NELL1: variants seen among roughly 807,000 people sequenced by gnomAD.
NELL1 encodes neural EGFL like 1.
In NELL1, 76 loss-of-function variants were observed where a neutral mutation model predicts 107.4. The observed-to-expected ratio is 0.71, with a 90% confidence interval of 0.59 to 0.86. The LOEUF is 0.86. NELL1 is among the 40% of genes least tolerant of loss of function. NELL1 has a pLI of 0.00. For missense variants in NELL1, 1,024 were observed against 1,005.5 expected (o/e 1.02, Z -0.25); for synonymous variants, 353 against 341.2 (o/e 1.03, Z -0.38).
At chr11:21,349,544 C>A (rs565565998) in intron 14 of NELL1, among the ~76,000 whole-genome samples, 76 of 151,754 alleles carry the variant, frequency 5.0e-4, no homozygotes, top group Non-Finnish European at 1.0e-3. Flanking sequence ...CTCTGAAATG[C>A]CTTTATTTTG....
At chr11:21,135,043 T>C (rs1855713756) in intron 13 of NELL1, among the ~76,000 whole-genome samples, 1 of 152,212 alleles carries the variant, frequency 6.6e-6, no homozygotes, top group South Asian at 2.1e-4. Context: ...ACTATTATTA[T>C]AATTTCTGTT....
At chr11:21,549,410 A>G (rs896408102) in intron 16 of NELL1, among the ~76,000 whole-genome samples, 3 of 151,934 alleles carry the variant, frequency 2.0e-5, no homozygotes, top group African/African-American at 4.8e-5. Context: ...CAGGATAGCA[A>G]ACCATCTGCA....
intron 15 of NELL1, among the ~76,000 whole-genome samples, chr11:21,406,022 T>TGTAA (rs1240707094): frequency 6.6e-6 from 1 of 152,006 alleles, no homozygotes; most frequent in African/African-American, 2.4e-5. Flanking sequence ...CCCCTCCATT[T>TGTAA]GTAAGTCCAT....
intron 12 of NELL1, among the ~76,000 whole-genome samples, chr11:20,989,816 C>T (rs1015547790): frequency 4.6e-5 from 7 of 152,098 alleles, no homozygotes; most frequent in South Asian, 2.1e-4. Context: ...CACGGTGAAA[C>T]CCTGTCTCTA....
At chr11:20,732,679 G>T (rs531554585) in intron 2 of NELL1, among the ~76,000 whole-genome samples, 19 of 152,246 alleles carry the variant, frequency 1.2e-4, no homozygotes, top group Non-Finnish European at 1.8e-4. Context: ...ATGCTGTCAA[G>T]GGACAGTGTA....
intron 12 of NELL1, among the ~76,000 whole-genome samples, chr11:20,992,170 C>A (rs1851990202): frequency 6.6e-6 from 1 of 152,086 alleles, no homozygotes; most frequent in South Asian, 2.1e-4. Context: ...GGAGGCCAGG[C>A]CAGGAGACTG....
At position 20,825,443 on chromosome 11, in the gene NELL1, AG is replaced by A. The variant is rs1231037044; in HGVS notation, c.336-22136del. ...AGGGAACTGTACCCTGAAAAGCCAC[AG>A]GGGCAGAGTTGCCCAAGGCCATGGG... is the stretch of plus-strand genomic sequence containing the variant. On this transcript the variant is annotated intron_variant, in intron 3 of 19. Transcript: ENST00000357134. Among the ~76,000 whole-genome samples, 2 of 151,472 alleles carry A rather than the reference AG, an allele frequency of 1.3e-5. 1 individual carries two copies. Among genetic ancestry groups the A allele is most frequent in the Non-Finnish European group, 3.0e-5 (2 of 67,644 alleles).
intron 15 of NELL1, among the ~76,000 whole-genome samples, chr11:21,382,958 T>C (rs1851645872): frequency 6.6e-6 from 1 of 151,920 alleles, no homozygotes; most frequent in Non-Finnish European, 1.5e-5. Context: ...TCTAGCTTTC[T>C]GTGAAACCGT....
At chr11:21,199,647 T>A (rs1428949827) in intron 13 of NELL1, among the ~76,000 whole-genome samples, 1 of 152,076 alleles carries the variant, frequency 6.6e-6, no homozygotes, top group Non-Finnish European at 1.5e-5. Flanking sequence ...AAAACCATAT[T>A]TTTCTTTTTT....
At chr11:21,522,289 C>T (rs976049792) in intron 15 of NELL1, among the ~76,000 whole-genome samples, 3 of 151,290 alleles carry the variant, frequency 2.0e-5, no homozygotes, top group African/African-American at 7.3e-5. Context: ...GTACTATTCG[C>T]AATAATGACA....
intron 5 of NELL1, among the ~76,000 whole-genome samples, chr11:20,891,845 G>A (rs1476687315): frequency 4.6e-5 from 7 of 152,104 alleles, no homozygotes; most frequent in African/African-American, 1.7e-4. Context: ...CCCAATACAG[G>A]AGCACCCAGA....
intron 9 of NELL1, among the ~76,000 whole-genome samples, chr11:20,930,381 T>C (rs1850593227): frequency 6.6e-6 from 1 of 152,168 alleles, no homozygotes; most frequent in African/African-American, 2.4e-5. Flanking sequence ...CTTAAATATA[T>C]TATTATGTTT....
intron 14 of NELL1, among the ~76,000 whole-genome samples, chr11:21,276,548 T>C (rs1380483090): frequency 6.6e-6 from 1 of 152,136 alleles, no homozygotes; most frequent in African/African-American, 2.4e-5. Flanking sequence ...AAAAAACTAC[T>C]TTAAAGTTCA....
intron 13 of NELL1, among the ~76,000 whole-genome samples, chr11:21,124,683 C>T (rs1855450089): frequency 6.6e-6 from 1 of 151,430 alleles, no homozygotes; most frequent in African/African-American, 2.4e-5. Flanking sequence ...CTCACTGCAA[C>T]CTCCACCTTC....
intron 13 of NELL1, among the ~76,000 whole-genome samples, chr11:21,196,109 C>T (rs1302885392): frequency 6.6e-6 from 1 of 152,134 alleles, no homozygotes; most frequent in East Asian, 1.9e-4. Flanking sequence ...CTGACCTTAA[C>T]ATTTGCTACA....
Position 21,116,832 on chromosome 11 carries a change from C to G in NELL1, c.1426+3118C>G, listed in dbSNP as rs192875129. Among the ~76,000 whole-genome samples the G allele has an allele frequency of 5.7e-3, 862 of 152,046 alleles. 7 individuals are homozygous for G. Among genetic ancestry groups the G allele is most frequent in the African/African-American group, 0.019 (807 of 41,502 alleles). On this transcript the variant is annotated intron_variant, in intron 13 of 19. Coordinates refer to ENST00000357134, the MANE Select transcript of NELL1 (RefSeq NM_006157.5). ...TTGGACTTTCTGTTCCAGTCTTGTT[C>G]CATCATAACCCATTCTTCACATAGC...
intron 12 of NELL1, among the ~76,000 whole-genome samples, chr11:21,075,022 C>T (rs112365116): frequency 2.4e-4 from 36 of 152,146 alleles, no homozygotes; most frequent in African/African-American, 8.2e-4. Context: ...TTCATTTGAC[C>T]GACTAGATGG....
At chr11:21,297,688 A>C (rs1849402665) in intron 14 of NELL1, among the ~76,000 whole-genome samples, 1 of 152,154 alleles carries the variant, frequency 6.6e-6, no homozygotes, top group African/African-American at 2.4e-5. Context: ...CAGCTCTGAA[A>C]ATTGTTGTGC....
chr11:21,539,800 AC>A (rs746232201), intron 16 of NELL1, among the ~76,000 whole-genome samples: 3 of 151,622 alleles, frequency 2.0e-5, no homozygotes, highest in Non-Finnish European at 2.9e-5. Context: ...CCAAAAGGCA[AC>A]TTTTGGTTGC....
Sources: gnomAD v4.1 joint callset for allele counts (sites outside exome capture counted in the v4.1 genomes callset) on GRCh38, gnomAD v4.1.1 for gene constraint, MANE v1.5 for transcripts, NCBI Gene and HGNC (gene_info 2026-07-23, HGNC 2026-07-21) for gene names.